Variants in SIL1 observed in about 807,000 individuals in gnomAD.
The protein encoded by SIL1 is SIL1 nucleotide exchange factor, also known as nucleotide exchange factor SIL1.
In SIL1, 40 loss-of-function variants were observed where a neutral mutation model predicts 49.1. The observed-to-expected ratio is 0.81, with a 90% CI of 0.63 to 1.06. SIL1 has a LOEUF of 1.06. Ranked by LOEUF, SIL1 falls within the 50% of genes least tolerant of loss-of-function variation. The probability of loss-of-function intolerance (pLI) is 0.00; values close to 1 mark genes in which losing one functional copy is unlikely to be tolerated. For synonymous variants in SIL1, 253 were observed against 250.8 expected, an observed-to-expected ratio of 1.01 and a Z score of -0.08; for missense variants, 500 against 572.6, an observed-to-expected ratio of 0.87 and a Z score of 1.29.
At chr5:138,972,288 A>G (rs1020988957) in intron 7 of SIL1, among the ~76,000 whole-genome samples, 3 of 152,184 alleles carry the variant, frequency 2.0e-5, no homozygotes, top group East Asian at 3.8e-4. Context: ...TTGTCCACTG[A>G]GCCTGTCCCT....
At chr5:139,183,596 T>G (rs970287100) in intron 1 of SIL1, among the ~76,000 whole-genome samples, 2 of 152,210 alleles carry the variant, frequency 1.3e-5, no homozygotes, top group Non-Finnish European at 2.9e-5. Context: ...TTTTCAAGGT[T>G]GTCTGTTTAT....
chr5:139,021,948 T>C (rs986962737), intron 6 of SIL1: 1 of 158,564 alleles, frequency 6.3e-6, no homozygotes, highest in Admixed American at 6.0e-5. Context: ...GCAGAACATT[T>C]CTATCATTAC....
At chr5:139,175,788 ACCCGTC>A in intron 1 of SIL1, among the ~76,000 whole-genome samples, 1 of 152,190 alleles carries the variant, frequency 6.6e-6, no homozygotes, top group South Asian at 2.1e-4. Context: ...CATGGTGAAA[ACCCGTC>A]TCTACTAAAA....
At chr5:139,034,962 T>C (rs1358035910) in intron 5 of SIL1, among the ~76,000 whole-genome samples, 1 of 152,230 alleles carries the variant, frequency 6.6e-6, no homozygotes, top group Non-Finnish European at 1.5e-5. Context: ...ATAGCCATTA[T>C]AGTTGGTGTG....
At chr5:139,060,416 G>C (rs1769560084) in intron 3 of SIL1, among the ~76,000 whole-genome samples, 2 of 151,930 alleles carry the variant, frequency 1.3e-5, no homozygotes, top group Admixed American at 1.3e-4. Context: ...TTGCTTTTTT[G>C]TGTTAAAATG....
At chr5:138,955,837 G>A (rs576388125) in intron 7 of SIL1, among the ~76,000 whole-genome samples, 4 of 152,274 alleles carry the variant, frequency 2.6e-5, no homozygotes, top group Non-Finnish European at 5.9e-5. Context: ...GGCCAACAAG[G>A]TATGTGCACG....
chr5:139,122,860 T>C (rs1320957808), intron 2 of SIL1, among the ~76,000 whole-genome samples: 1 of 152,136 alleles, frequency 6.6e-6, no homozygotes, highest in Non-Finnish European at 1.5e-5. Flanking sequence ...GGAGATGTAA[T>C]ATGCATAGTT....
chr5:139,171,192 G>C (rs1355626466), intron 1 of SIL1, among the ~76,000 whole-genome samples: 1 of 152,240 alleles, frequency 6.6e-6, no homozygotes, highest in Admixed American at 6.5e-5. Flanking sequence ...CACCCCATCT[G>C]GGAGGTGTAC....
intron 1 of SIL1, among the ~76,000 whole-genome samples, chr5:139,185,475 C>G (rs1216539364): frequency 6.6e-6 from 1 of 152,176 alleles, no homozygotes; most frequent in Non-Finnish European, 1.5e-5. Context: ...AGGAACTTAA[C>G]TCTTGTTTAT....
At chr5:139,135,765 A>T (rs1750961856) in intron 1 of SIL1, among the ~76,000 whole-genome samples, 1 of 152,056 alleles carries the variant, frequency 6.6e-6, no homozygotes, top group Non-Finnish European at 1.5e-5. Flanking sequence ...CATCCAATGA[A>T]AAGAAATCAC....
At chr5:139,162,325 A>G (rs979549034) in intron 1 of SIL1, among the ~76,000 whole-genome samples, 1 of 152,246 alleles carries the variant, frequency 6.6e-6, no homozygotes, top group East Asian at 1.9e-4. Context: ...TCAGTAAAAA[A>G]TCAGAGTGAG....
At chr5:138,952,289 C>A (rs551202125) in intron 7 of SIL1, among the ~76,000 whole-genome samples, 1 of 152,374 alleles carries the variant, frequency 6.6e-6, no homozygotes, top group South Asian at 2.1e-4. Context: ...GCACATCACA[C>A]ACTGGGGCAA....
intron 1 of SIL1, chr5:139,188,009 A>G (rs1363908840): frequency 6.5e-6 from 1 of 152,960 alleles, no homozygotes; most frequent in Non-Finnish European, 1.5e-5. Context: ...GCCTTCCGCC[A>G]TGATGGTAAG....
At chr5:139,106,267 G>A (rs1227612110) in intron 3 of SIL1, among the ~76,000 whole-genome samples, 1 of 152,214 alleles carries the variant, frequency 6.6e-6, no homozygotes, top group East Asian at 1.9e-4. Context: ...ATTCAATCTT[G>A]AGCCAGCCAC....
Position 139,026,801 on chromosome 5 carries a change from C to A in SIL1, c.645G>T (p.Gln215His), listed in dbSNP as rs1234696966. The A allele has an allele frequency of 1.2e-6, 2 of 1,613,888 alleles. No homozygotes were observed. The highest frequency in any genetic ancestry group is 1.7e-6 in the Non-Finnish European group (2 of 1,179,960). ...ACTTATGGACGAAGAAATACAGTAC[C>A]TGATGGACATAATATTCAAGATCAA... ...ALFDLEYYVH[Q>H]MDNAQDLLSF... The change falls in exon 6 of 10, where the codon CAG becomes CAT. Residue 215 changes from glutamine to histidine, a missense_variant and splice_region_variant. Physicochemically the swap from Gln to His is conservative, Grantham distance 24. Coordinates refer to ENST00000394817, the MANE Select transcript of SIL1 (RefSeq NM_022464.5).
At chr5:138,965,365 C>A (rs1304816045) in intron 7 of SIL1, among the ~76,000 whole-genome samples, 2 of 152,172 alleles carry the variant, frequency 1.3e-5, no homozygotes, top group Non-Finnish European at 2.9e-5. Flanking sequence ...GGATTTACTT[C>A]TTTGAGTCTT....
chr5:139,082,847 C>T (rs922221871), intron 3 of SIL1, among the ~76,000 whole-genome samples: 3 of 152,206 alleles, frequency 2.0e-5, no homozygotes, highest in Non-Finnish European at 2.9e-5. Flanking sequence ...AGTCAGGAAG[C>T]TGATCATGGA....
At chr5:138,950,407 G>A (rs1241078825) in intron 9 of SIL1, among the ~76,000 whole-genome samples, 3 of 152,202 alleles carry the variant, frequency 2.0e-5, no homozygotes, top group Admixed American at 6.5e-5. Context: ...CAGCCATCCC[G>A]ACACTGCCTG....
intron 1 of SIL1, among the ~76,000 whole-genome samples, chr5:139,174,936 TCA>T (rs1751847158): frequency 2.2e-5 from 1 of 44,878 alleles, no homozygotes. Flanking sequence ...AGACTGTGTC[TCA>T]AAAAAAAAAA....
Sources: allele counts gnomAD v4.1 joint callset (sites outside exome capture counted in the v4.1 genomes callset), GRCh38; gene constraint gnomAD v4.1.1; transcripts MANE v1.5; gene names NCBI Gene and HGNC (gene_info 2026-07-23, HGNC 2026-07-21).